The following KLHL1 variants were observed in gnomAD, a reference collection of about 807,000 sequenced individuals.
KLHL1 encodes the protein kelch like family member 1, also known as kelch-like protein 1.
A neutral mutation model predicts 77.7 loss-of-function variants in KLHL1; 47 were observed. That is an observed-to-expected ratio of 0.60 (90% CI 0.48 to 0.77). The LOEUF is 0.77. Among genes scored for constraint, KLHL1 ranks in the 30% least tolerant of loss-of-function variants. KLHL1 has a pLI of 0.00. For synonymous variants in KLHL1, 360 were observed against 325.2 expected (o/e 1.11, Z -1.15); for missense variants, 925 against 910.8 (o/e 1.02, Z -0.20).
intron 1 of KLHL1, among the ~76,000 whole-genome samples, chr13:69,996,080 G>A (rs1248904943): frequency 6.6e-6 from 1 of 152,086 alleles, no homozygotes; most frequent in Non-Finnish European, 1.5e-5. Context: ...CAATGCGGGA[G>A]GATCATGAGG....
chr13:69,732,942 C>A (rs990454079), intron 8 of KLHL1, among the ~76,000 whole-genome samples: 1 of 152,062 alleles, frequency 6.6e-6, no homozygotes, highest in Non-Finnish European at 1.5e-5. Context: ...GCTTCTAAAT[C>A]TTAATCATTT....
chr13:70,035,453 T>A (rs1886215649), intron 1 of KLHL1, among the ~76,000 whole-genome samples: 1 of 151,628 alleles, frequency 6.6e-6, no homozygotes, highest in South Asian at 2.1e-4. Flanking sequence ...AGTGAGGGAT[T>A]GGGAGGGAAG....
intron 3 of KLHL1, 89 bp from the exon 4 acceptor site, chr13:69,940,325 G>T: frequency 1.1e-6 from 1 of 874,864 alleles, no homozygotes. Flanking sequence ...AGGCCAATCT[G>T]CTAGAACAGA....
intron 1 of KLHL1, among the ~76,000 whole-genome samples, chr13:70,053,415 G>A (rs1352227794): frequency 3.3e-5 from 5 of 152,026 alleles, no homozygotes; most frequent in African/African-American, 1.2e-4. Flanking sequence ...CTGTGAGGAA[G>A]TGAAAATAAT....
chr13:70,089,024 ATC>A (rs1887613243), intron 1 of KLHL1, among the ~76,000 whole-genome samples: 1 of 152,140 alleles, frequency 6.6e-6, no homozygotes, highest in African/African-American at 2.4e-5. Context: ...CAGGGCAGTA[ATC>A]ATGTGAGTTT....
intron 1 of KLHL1, among the ~76,000 whole-genome samples, chr13:70,001,091 A>G (rs906366760): frequency 6.6e-6 from 1 of 151,326 alleles, no homozygotes; most frequent in Non-Finnish European, 1.5e-5. Flanking sequence ...GTAAATAATT[A>G]TAAGTAGTAT....
In KLHL1 at chr13:69,780,731, T is replaced by C. The variant is rs375698969; in HGVS notation, c.1639+16007A>G. Among the ~76,000 whole-genome samples the C allele has an allele frequency of 3.5e-3, 267 of 75,300 alleles. 8 individuals carry two copies. The highest frequency in any genetic ancestry group is 0.01 in the East Asian group (35 of 3,426). The allele number at this position is 75,300 out of a possible 152,430, so 49.4% of individuals were successfully genotyped here. On this transcript the variant is annotated intron_variant, in intron 7 of 10. Transcript: ENST00000377844. Reference sequence around the variant, plus strand: ...ATATATATATGTATATATATATATATACATATATATATACATATATATATA... The same window carrying C: ...ATATATATATGTATATATATATATACACATATATATATACATATATATATA...
At chr13:69,848,261 C>T (rs2911514) in intron 5 of KLHL1, among the ~76,000 whole-genome samples, 141,555 of 151,456 alleles carry the variant, frequency 0.93, 66,371 homozygotes, top group East Asian at 0.99. Flanking sequence ...CAGTATGAGA[C>T]AGTTTGTTCA....
At position 70,107,535 on chromosome 13, in the gene KLHL1, G is replaced by T. The variant is rs1888100743; in HGVS notation, c.165C>A (p.Arg55=). Residue 55 remains arginine, a synonymous_variant, in exon 1 of 11, where the codon CGC becomes CGA. Coordinates refer to ENST00000377844, the MANE Select transcript of KLHL1 (RefSeq NM_020866.3). ...SFEHWGPSQS[R]LLKSQERSGV... ...CGCTTCTCTCTTGGCTTTTGAGCAG[G>T]CGACTCTGGCTGGGTCCCCAGTGCT... is the stretch of plus-strand genomic sequence containing the variant. The T allele has an allele frequency of 1.2e-6, 2 of 1,610,516 alleles. No individual in the cohort carries two copies. The highest frequency in any genetic ancestry group is 1.7e-6 in the Non-Finnish European group (2 of 1,177,970).
intron 8 of KLHL1, among the ~76,000 whole-genome samples, chr13:69,733,595 A>G (rs1873643480): frequency 6.6e-6 from 1 of 152,214 alleles, no homozygotes; most frequent in African/African-American, 2.4e-5. Context: ...AATGACTAAT[A>G]CATATATTAA....
chr13:69,889,633 G>A lies in KLHL1; in HGVS notation c.1015-7138C>T, dbSNP rs772566600. Reference sequence around the variant, plus strand: ...TTACAACTCTTAATATTTCTGGGTCGCACAATATGGCATGGTGATTATGGG... The same window carrying A: ...TTACAACTCTTAATATTTCTGGGTCACACAATATGGCATGGTGATTATGGG... On this transcript the variant is annotated intron_variant, in intron 4 of 10. Transcript: ENST00000377844. Among the ~76,000 whole-genome samples the A allele has an allele frequency of 9.2e-5, 14 of 151,904 alleles. No homozygotes were observed. The South Asian group carries it at 1.5e-3, about 16-fold the overall frequency.
chr13:69,759,803 G>C (rs188140181), intron 7 of KLHL1, among the ~76,000 whole-genome samples: 1 of 152,026 alleles, frequency 6.6e-6, no homozygotes, highest in Non-Finnish European at 1.5e-5. Context: ...ATATTGTATC[G>C]TCATTTGCCC....
chr13:69,736,649 TC>T (rs1873774647), intron 8 of KLHL1, among the ~76,000 whole-genome samples: 1 of 151,434 alleles, frequency 6.6e-6, no homozygotes, highest in Non-Finnish European at 1.5e-5. Flanking sequence ...CAAATGCCTA[TC>T]AATTAGTGAT....
intron 6 of KLHL1, among the ~76,000 whole-genome samples, chr13:69,821,325 C>G (rs1389729028): frequency 6.7e-6 from 1 of 149,566 alleles, no homozygotes; most frequent in Non-Finnish European, 1.5e-5. Flanking sequence ...CTTTTTTTTT[C>G]TTTTTTTGAG....
chr13:69,900,430 T>C (rs1467773366), intron 4 of KLHL1, among the ~76,000 whole-genome samples: 1 of 152,222 alleles, frequency 6.6e-6, no homozygotes, highest in African/African-American at 2.4e-5. Flanking sequence ...TCCCCAGTTA[T>C]TAGAATTTAC....
At chr13:70,097,887 GT>G (rs3072589) in intron 1 of KLHL1, among the ~76,000 whole-genome samples, 18,625 of 144,006 alleles carry the variant, frequency 0.13, 1,394 homozygotes, top group East Asian at 0.33. Context: ...TTTCCTTTCT[GT>G]TTTTTTTTTT....
intron 4 of KLHL1, among the ~76,000 whole-genome samples, chr13:69,923,493 A>C (rs1882710928): frequency 6.6e-6 from 1 of 152,184 alleles, no homozygotes; most frequent in Non-Finnish European, 1.5e-5. Flanking sequence ...TCAATCAAAA[A>C]ATTACATTCT....
chr13:69,812,552 G>C (rs1448431939), intron 6 of KLHL1, among the ~76,000 whole-genome samples: 1 of 152,042 alleles, frequency 6.6e-6, no homozygotes, highest in African/African-American at 2.4e-5. Context: ...CAGAATGGGA[G>C]AAAATGTTTG....
chr13:69,739,426 C>A (rs1873894496), intron 8 of KLHL1, among the ~76,000 whole-genome samples: 1 of 152,004 alleles, frequency 6.6e-6, no homozygotes, highest in African/African-American at 2.4e-5. Context: ...TGTAAATGGG[C>A]TAAATGCCCC....
Sources: allele counts gnomAD v4.1 joint callset (sites outside exome capture counted in the v4.1 genomes callset), GRCh38; gene constraint gnomAD v4.1.1; transcripts MANE v1.5; gene names NCBI Gene and HGNC (gene_info 2026-07-23, HGNC 2026-07-21).